Variants in KCND3 observed in about 807,000 individuals in gnomAD.
KCND3 encodes potassium voltage-gated channel subfamily D member 3, also known as A-type voltage-gated potassium channel KCND3.
Under a neutral mutation model 51.1 loss-of-function variants are expected in KCND3, and 9 were observed. That is an observed-to-expected ratio of 0.18 (90% CI 0.11 to 0.31). KCND3 has a LOEUF of 0.31. KCND3 is among the 10% of genes least tolerant of loss of function. KCND3 has a pLI of 1.00. For synonymous variants in KCND3, 349 were observed against 368.0 expected, an observed-to-expected ratio of 0.95 and a Z score of 0.59; for missense variants, 526 against 903.8, an observed-to-expected ratio of 0.58 and a Z score of 5.36.
At chr1:111,854,224 G>C (rs1026734585) in intron 2 of KCND3, among the ~76,000 whole-genome samples, 1 of 152,166 alleles carries the variant, frequency 6.6e-6, no homozygotes, top group Admixed American at 6.5e-5. Flanking sequence ...CTTGACCAGG[G>C]GGTAGAGATG....
At chr1:111,881,042 C>T (rs920923394) in intron 2 of KCND3, among the ~76,000 whole-genome samples, 3 of 152,204 alleles carry the variant, frequency 2.0e-5, no homozygotes, top group African/African-American at 7.2e-5. Flanking sequence ...AGCAGCTCTC[C>T]CATCTCAGCT....
chr1:111,927,944 C>A (rs190778354), intron 2 of KCND3, among the ~76,000 whole-genome samples: 82 of 152,252 alleles, frequency 5.4e-4, no homozygotes, highest in African/African-American at 1.9e-3. Context: ...ACAGGAGTGG[C>A]TCACTCCCTC....
intron 2 of KCND3, chr1:111,856,957 C>T (rs545290295): frequency 6.6e-6 from 1 of 152,202 alleles, no homozygotes; most frequent in Non-Finnish European, 1.5e-5. Flanking sequence ...AGTTAGGAGT[C>T]GAGGACGTCT....
At chr1:111,931,712 T>A (rs185548940) in intron 2 of KCND3, among the ~76,000 whole-genome samples, 1 of 152,240 alleles carries the variant, frequency 6.6e-6, no homozygotes, top group Non-Finnish European at 1.5e-5. Context: ...GGCATAGTGC[T>A]GCGTAAGTGC....
intron 2 of KCND3, among the ~76,000 whole-genome samples, chr1:111,912,654 A>G (rs1368547377): frequency 6.6e-6 from 1 of 152,222 alleles, no homozygotes; most frequent in East Asian, 1.9e-4. Flanking sequence ...GTAGAGGTGG[A>G]AAACAGTAAT....
At chr1:111,947,876 C>T (rs1317758145) in intron 2 of KCND3, among the ~76,000 whole-genome samples, 1 of 152,180 alleles carries the variant, frequency 6.6e-6, no homozygotes, top group Non-Finnish European at 1.5e-5. Flanking sequence ...GCTTGTATTA[C>T]TGTGTTTGGC....
At chr1:111,813,972 C>T (rs1665971961) in intron 2 of KCND3, among the ~76,000 whole-genome samples, 1 of 152,244 alleles carries the variant, frequency 6.6e-6, no homozygotes, top group African/African-American at 2.4e-5. Flanking sequence ...CACCAACGTG[C>T]TGGCAGTCTC....
chr1:111,882,205 T>C (rs1468338716), intron 2 of KCND3, among the ~76,000 whole-genome samples: 3 of 152,098 alleles, frequency 2.0e-5, no homozygotes, highest in Non-Finnish European at 4.4e-5. Context: ...GGAGGATCAA[T>C]GAGAAGGTGA....
At chr1:111,987,119 G>A (rs1270951351) in intron 1 of KCND3, among the ~76,000 whole-genome samples, 1 of 152,056 alleles carries the variant, frequency 6.6e-6, no homozygotes, top group Non-Finnish European at 1.5e-5. Context: ...CCCCTGAAAG[G>A]GTGATGCCCT....
intron 2 of KCND3, among the ~76,000 whole-genome samples, chr1:111,866,623 C>CAT (rs55673293): frequency 1.3e-5 from 2 of 150,782 alleles, no homozygotes; most frequent in South Asian, 4.2e-4. Context: ...CACACACACA[C>CAT]GGCTGAGAAG....
intron 2 of KCND3, among the ~76,000 whole-genome samples, chr1:111,891,612 C>T (rs72692587): frequency 0.08 from 12,119 of 152,218 alleles, 521 homozygotes; most frequent in East Asian, 0.17. Flanking sequence ...TCCCCATCTC[C>T]CTCTCTGCTT....
intron 2 of KCND3, among the ~76,000 whole-genome samples, chr1:111,896,985 G>T (rs965498929): frequency 2.6e-5 from 4 of 152,192 alleles, no homozygotes; most frequent in South Asian, 4.1e-4. Context: ...CACCATCACT[G>T]CCCCACTCCT....
chr1:111,894,910 A>C (rs1430835934), intron 2 of KCND3, among the ~76,000 whole-genome samples: 1 of 151,570 alleles, frequency 6.6e-6, no homozygotes, highest in Non-Finnish European at 1.5e-5. Flanking sequence ...GAGGAAGAGC[A>C]GGAAGAGGAA....
At chr1:111,782,633 AT>A (rs777961322) in intron 3 of KCND3, among the ~76,000 whole-genome samples, 40 of 152,254 alleles carry the variant, frequency 2.6e-4, no homozygotes, top group Non-Finnish European at 4.6e-4. Flanking sequence ...TGGAAATCCA[AT>A]TGTGTCAAGC....
intron 2 of KCND3, among the ~76,000 whole-genome samples, chr1:111,950,496 G>A (rs1381458129): frequency 1.3e-5 from 2 of 152,252 alleles, no homozygotes; most frequent in Non-Finnish European, 2.9e-5. Flanking sequence ...GCAGCACTGT[G>A]CCTGGTGCCC....
intron 2 of KCND3, among the ~76,000 whole-genome samples, chr1:111,949,974 G>T (rs1023777262): frequency 6.6e-6 from 1 of 152,192 alleles, no homozygotes; most frequent in Non-Finnish European, 1.5e-5. Context: ...GCAGTGGCCC[G>T]ATCTCAGCTC....
chr1:111,776,344 C>G (rs1437440969), intron 7 of KCND3, 66 bp from the exon 8 acceptor site: 23 of 1,467,364 alleles, frequency 1.6e-5, no homozygotes, highest in Non-Finnish European at 2.2e-5. Context: ...TTCCTTGACC[C>G]CCTACATTTC....
intron 2 of KCND3, among the ~76,000 whole-genome samples, chr1:111,919,523 G>C (rs545902365): frequency 6.6e-6 from 1 of 152,230 alleles, no homozygotes; most frequent in East Asian, 1.9e-4. Context: ...AAGCCCTGAG[G>C]GCAAGGGGGC....
At chr1:111,892,832 A>G (rs1669893346) in intron 2 of KCND3, among the ~76,000 whole-genome samples, 1 of 152,254 alleles carries the variant, frequency 6.6e-6, no homozygotes, top group Non-Finnish European at 1.5e-5. Context: ...ACAAAAGAGA[A>G]GTAGGAAGGA....
Sources: allele counts gnomAD v4.1 joint callset (sites outside exome capture counted in the v4.1 genomes callset), GRCh38; gene constraint gnomAD v4.1.1; transcripts MANE v1.5; gene names NCBI Gene and HGNC (gene_info 2026-07-23, HGNC 2026-07-21).